Variants in TRIM71 observed in about 807,000 individuals in gnomAD.
The protein encoded by TRIM71 is E3 ubiquitin-protein ligase TRIM71.
In TRIM71, 9 loss-of-function variants were observed where a neutral mutation model predicts 61.2. That is an observed-to-expected ratio of 0.15 (90% CI 0.09 to 0.26). The LOEUF (loss-of-function observed/expected upper bound fraction) is 0.26. TRIM71 is among the 10% of genes least tolerant of loss of function. The pLI, the probability that TRIM71 is intolerant of heterozygous loss-of-function variation, is 1.00. For synonymous variants in TRIM71, 645 were observed against 553.2 expected, an observed-to-expected ratio of 1.17 and a Z score of -2.33; for missense variants, 998 against 1,238.7, an observed-to-expected ratio of 0.81 and a Z score of 2.92.
intron 2 of TRIM71, 108 bp from the exon 3 acceptor site, chr3:32,885,826 G>A (rs1696955608): frequency 2.7e-6 from 4 of 1,470,562 alleles, no homozygotes; most frequent in Non-Finnish European, 3.6e-6. Flanking sequence ...AGTGGTCTGG[G>A]AACCCAGGGT....
At chr3:32,868,005 T>G (rs1374122196) in intron 1 of TRIM71, among the ~76,000 whole-genome samples, 1 of 152,118 alleles carries the variant, frequency 6.6e-6, no homozygotes, top group African/African-American at 2.4e-5. Context: ...CAGCCCCGCT[T>G]AATCTTATTT....
rs1190690742 is a variant in TRIM71, at chr3:32,890,593, C to G, written c.1389C>G (p.Pro463=). The G allele has an allele frequency of 1.2e-6, 2 of 1,614,004 alleles. No individual in the cohort carries two copies. The highest frequency in any genetic ancestry group is 4.5e-5 in the East Asian group (2 of 44,886). The stretch of plus-strand genomic sequence containing the variant: ...AAGACGACCGAGTCATGTTCACACC[C>G]CCCGATCAGGCACTGTACCTTGCCA... ...PQEDDRVMFT[P]PDQALYLAIK... is the part of the protein sequence containing the mutation. The change falls in exon 4 of 4, where the codon CCC becomes CCG. Residue 463 remains proline, a synonymous_variant. Transcript: ENST00000383763. This position sits in a 1 kb window ranked among gnomAD's most constrained non-coding sequence, Gnocchi z 6.2.
chr3:32,847,154 A>C (rs1283885437), intron 1 of TRIM71, among the ~76,000 whole-genome samples: 1 of 150,022 alleles, frequency 6.7e-6, no homozygotes, highest in Admixed American at 6.6e-5. Context: ...GCTCTGGAGC[A>C]GCTTGGACTA....
At chr3:32,878,413 C>G (rs1696872447) in intron 2 of TRIM71, among the ~76,000 whole-genome samples, 1 of 152,090 alleles carries the variant, frequency 6.6e-6, no homozygotes, top group South Asian at 2.1e-4. Context: ...AGTTTGAGAC[C>G]AGCCTGACTA....
chr3:32,855,993 T>TATTC (rs1696599589), intron 1 of TRIM71, among the ~76,000 whole-genome samples: 1 of 150,654 alleles, frequency 6.6e-6, no homozygotes, highest in South Asian at 2.1e-4. Flanking sequence ...CTAATAGTTT[T>TATTC]ATTTATTTAT....
intron 1 of TRIM71, among the ~76,000 whole-genome samples, chr3:32,856,466 AT>A (rs1235119578): frequency 1.3e-5 from 2 of 152,028 alleles, no homozygotes; most frequent in African/African-American, 4.8e-5. Context: ...TTTTAGACTG[AT>A]AACACTTTGA....
Position 32,818,257 on chromosome 3 carries a change from G to A in TRIM71, c.177G>A (p.Leu59=), listed in dbSNP as rs777378359. The change falls in exon 1 of 4, where the codon CTG becomes CTA. Residue 59 remains leucine, a synonymous_variant. Coordinates refer to ENST00000383763, the MANE Select transcript of TRIM71 (RefSeq NM_001039111.3). ...CGGCGGCGCGCCGCCTACACGTCCT[G>A]CCCTGCCTGCACGCCTTCTGCCGCC... ...PGAAARRLHV[L]PCLHAFCRPC... 3 of 1,453,358 alleles carry A rather than the reference G, an allele frequency of 2.1e-6. No individual in the cohort carries two copies. Among genetic ancestry groups the A allele is most frequent in the Admixed American group, 2.9e-5 (1 of 34,442 alleles). 90.0% of individuals were successfully genotyped at this position (1,453,358 alleles called of 1,614,324 possible). A position where few individuals can be genotyped will look rare whatever the true frequency, so the allele number is the denominator to read the frequency against.
chr3:32,893,166 C>G lies in TRIM71; in HGVS notation c.*1355C>G, dbSNP rs987208041. 1.2e-4 allele frequency: 18 copies of G among 152,198 alleles called. No individual in the cohort carries two copies. The highest frequency in any genetic ancestry group is 4.3e-4 in the African/African-American group (18 of 41,490). 9.4% of individuals were successfully genotyped at this position (152,198 alleles called of 1,614,324 possible). ...TTGCACCCAGGCCATGCTTTAGGAC[C>G]TCATGGTTAACATGAATCCCCCCGC... On this transcript the variant is annotated 3_prime_UTR_variant, in exon 4 of 4. Transcript: ENST00000383763.
intron 1 of TRIM71, among the ~76,000 whole-genome samples, chr3:32,858,835 T>C (rs1297464068): frequency 6.6e-6 from 1 of 152,164 alleles, no homozygotes; most frequent in Non-Finnish European, 1.5e-5. Context: ...AAAGACTAAT[T>C]TGAGGGCTTA....
intron 1 of TRIM71, among the ~76,000 whole-genome samples, chr3:32,835,658 C>T (rs768174863): frequency 2.6e-5 from 4 of 152,152 alleles, no homozygotes; most frequent in Admixed American, 6.6e-5. Context: ...CTTCCTTCAC[C>T]ATCCTTGGTC....
chr3:32,861,713 G>T (rs1489307399), intron 1 of TRIM71, among the ~76,000 whole-genome samples: 2 of 152,156 alleles, frequency 1.3e-5, no homozygotes, highest in Non-Finnish European at 2.9e-5. Context: ...TGGAATGTCG[G>T]GGGGAAGATG....
In TRIM71 at chr3:32,891,496, T is replaced by C; in HGVS notation, c.2292T>C (p.Thr764=). ...AFNHEGHLVV[T]DFNNHRLLVI... is the part of the protein sequence containing the mutation. ...ACCATGAGGGCCACTTGGTGGTCAC[T>C]GACTTCAACAACCACCGGCTCCTGG... The change falls in exon 4 of 4, where the codon ACT becomes ACC. Residue 764 remains threonine (T), a synonymous_variant. Transcript: ENST00000383763. The surrounding 1 kb of genome is among the most constrained non-coding windows in gnomAD (Gnocchi z 8.2). The C allele has an allele frequency of 6.2e-7, 1 of 1,613,622 alleles. No individual in the cohort carries two copies. Among genetic ancestry groups the C allele is most frequent in the Non-Finnish European group, 8.5e-7 (1 of 1,179,812 alleles).
intron 1 of TRIM71, among the ~76,000 whole-genome samples, chr3:32,859,103 G>A (rs867225984): frequency 4.6e-5 from 7 of 152,116 alleles, no homozygotes; most frequent in Non-Finnish European, 1.0e-4. Flanking sequence ...TGTTTCACAA[G>A]TTCTGTCGAA....
At chr3:32,834,109 A>G (rs1243210589) in intron 1 of TRIM71, among the ~76,000 whole-genome samples, 4 of 152,202 alleles carry the variant, frequency 2.6e-5, no homozygotes, top group Admixed American at 6.5e-5. Context: ...GACTGACCCA[A>G]ATATTTGGAG....
chr3:32,835,181 G>A (rs1334915733), intron 1 of TRIM71, among the ~76,000 whole-genome samples: 3 of 152,340 alleles, frequency 2.0e-5, no homozygotes, highest in East Asian at 3.9e-4. Flanking sequence ...CTGGGTTCCC[G>A]TTATTGGCAT....
intron 1 of TRIM71, among the ~76,000 whole-genome samples, chr3:32,854,516 A>T (rs1321741871): frequency 6.6e-6 from 1 of 152,178 alleles, no homozygotes; most frequent in East Asian, 1.9e-4. Flanking sequence ...TAATCCATGA[A>T]TGAGATTTTG....
chr3:32,857,620 A>G (rs1221939122), intron 1 of TRIM71, among the ~76,000 whole-genome samples: 1 of 152,222 alleles, frequency 6.6e-6, no homozygotes, highest in Non-Finnish European at 1.5e-5. Context: ...TGTATGTTAC[A>G]TGTATTATGT....
intron 1 of TRIM71, among the ~76,000 whole-genome samples, chr3:32,871,981 A>G (rs1351940865): frequency 6.6e-6 from 1 of 152,160 alleles, no homozygotes; most frequent in East Asian, 1.9e-4. Flanking sequence ...ATCTCTACTA[A>G]AAATATAAAA....
In TRIM71 at chr3:32,896,167, C is replaced by T. The variant is rs1697075564; in HGVS notation, c.*4356C>T. The T allele has an allele frequency of 6.6e-6, 1 of 152,174 alleles. No homozygotes were observed. Among genetic ancestry groups the T allele is most frequent in the South Asian group, 2.1e-4 (1 of 4,832 alleles). 9.4% of individuals were successfully genotyped at this position (152,174 alleles called of 1,614,324 possible). A position where few individuals can be genotyped will look rare whatever the true frequency, so the allele number is the denominator to read the frequency against. On this transcript the variant is annotated 3_prime_UTR_variant, in exon 4 of 4. Transcript: ENST00000383763. ...AAAGACCTTTAGGTCTCTTTCTCTT[C>T]AAGAGAAAAATATTTTATCTGTATT...
Sources: allele counts gnomAD v4.1 joint callset (sites outside exome capture counted in the v4.1 genomes callset), GRCh38; gene constraint gnomAD v4.1.1; non-coding constraint Gnocchi (gnomAD v3.1); transcripts MANE v1.5; gene names NCBI Gene and HGNC (gene_info 2026-07-23, HGNC 2026-07-21).